Variants in KIN observed in about 807,000 individuals in gnomAD.
KIN encodes Kin17 DNA and RNA binding protein.
Under a neutral mutation model 63.0 loss-of-function variants are expected in KIN, and 47 were observed. The ratio of observed to expected loss-of-function variants is 0.75; its 90% CI spans 0.59 to 0.95. The LOEUF is 0.95. Ranked by LOEUF, KIN falls within the 40% of genes least tolerant of loss-of-function variation. KIN has a pLI of 0.00. For missense variants in KIN, 408 were observed against 460.9 expected, an observed-to-expected ratio of 0.89 and a Z score of 1.05; for synonymous variants, 160 against 157.7, an observed-to-expected ratio of 1.01 and a Z score of -0.11.
chr10:7,774,663 T>TAAA (rs879220759), intron 7 of KIN, among the ~76,000 whole-genome samples, 168 bp downstream of exon 7: 1 of 134,556 alleles, frequency 7.4e-6, no homozygotes, highest in Admixed American at 7.5e-5. Flanking sequence ...CCCCATCTCT[T>TAAA]AAAAAAAAAA....
At chr10:7,777,631 C>T (rs917637726) in intron 5 of KIN, among the ~76,000 whole-genome samples, 1 of 152,194 alleles carries the variant, frequency 6.6e-6, no homozygotes, top group African/African-American at 2.4e-5. Flanking sequence ...GGCGTGGTGG[C>T]TCACGCCTGT....
intron 8 of KIN, among the ~76,000 whole-genome samples, chr10:7,768,649 C>T (rs1429693082): frequency 1.3e-5 from 2 of 152,168 alleles, no homozygotes; most frequent in Non-Finnish European, 2.9e-5. Flanking sequence ...CCATGAAGGA[C>T]TCCAATTTCT....
chr10:7,780,352 A>T, intron 2 of KIN, 45 bp from the exon 3 acceptor site: 1 of 1,457,082 alleles, frequency 6.9e-7, no homozygotes, highest in Non-Finnish European at 9.4e-7. Flanking sequence ...TTCTACAAAC[A>T]TATAGCATCA....
In KIN at chr10:7,762,427, A is replaced by G. The variant is rs200927513; in HGVS notation, c.1018+30T>C. The G allele has an allele frequency of 1.1e-5, 14 of 1,223,576 alleles. No homozygotes were observed. The South Asian group carries it at 1.6e-4, about 14-fold the overall frequency. The allele number at this position is 1,223,576 out of a possible 1,614,324, so 75.8% of individuals were successfully genotyped here. On this transcript the variant is annotated intron_variant, in intron 11 of 12. Transcript: ENST00000379562. ...ATGGAACCGCTCATTTTGATGGCAT[A>G]TGTATTAAATGGTCTGCAAACAGAT...
In KIN at chr10:7,787,884, T is replaced by G. The variant is rs753753404; in HGVS notation, c.50A>C (p.Lys17Thr). ...LTPKAIANRI[K>T]SKGLQKLRWY... The stretch of plus-strand genomic sequence containing the variant: ...GCGTAGCTTCTGCAGCCCCTTGGAC[T>G]TGATCCTGTTGGCGATAGCCTTGGG... The change falls in exon 1 of 13, where the codon AAG (lysine) becomes ACG (threonine). Residue 17 changes from lysine (K) to threonine (T), a missense_variant. Transcript: ENST00000379562. 1 of 1,614,226 alleles carries G rather than the reference T, an allele frequency of 6.2e-7. No individual in the cohort carries two copies. Among genetic ancestry groups the G allele is most frequent in the South Asian group, 1.1e-5 (1 of 91,090 alleles).
chr10:7,777,863 C>T lies in KIN; in HGVS notation c.558+975G>A, dbSNP rs544555149. ...GCAGTCAGCTGAAATCGCGCCACTGCACTCCAGCCTGGGCGACAGAGTGAG... is the reference window on the plus strand; with the variant it reads ...GCAGTCAGCTGAAATCGCGCCACTGTACTCCAGCCTGGGCGACAGAGTGAG... On this transcript the variant is annotated intron_variant, in intron 5 of 12. Coordinates refer to ENST00000379562, the MANE Select transcript of KIN (RefSeq NM_012311.4). Among the ~76,000 whole-genome samples the T allele has an allele frequency of 3.3e-5, 5 of 150,600 alleles. No individual in the cohort carries two copies. The East Asian group carries it at 7.8e-4, about 24-fold the overall frequency.
At chr10:7,773,964 C>G (rs1453709476) in intron 7 of KIN, among the ~76,000 whole-genome samples, 1 of 152,214 alleles carries the variant, frequency 6.6e-6, no homozygotes, top group Non-Finnish European at 1.5e-5. Context: ...TACCTGACCA[C>G]ATGCTATGCC....
At chr10:7,763,402 A>G (rs1470686609) in intron 10 of KIN, among the ~76,000 whole-genome samples, 1 of 152,238 alleles carries the variant, frequency 6.6e-6, no homozygotes, top group Non-Finnish European at 1.5e-5. Flanking sequence ...TACTTTTAAT[A>G]TATGGCCTAT....
intron 7 of KIN, among the ~76,000 whole-genome samples, chr10:7,770,766 A>G (rs1835651036): frequency 6.6e-6 from 1 of 152,230 alleles, no homozygotes; most frequent in Non-Finnish European, 1.5e-5. Context: ...CTAACCAAGA[A>G]AAAAATATAT....
chr10:7,771,463 C>T (rs1358527009), intron 7 of KIN, among the ~76,000 whole-genome samples: 2 of 152,180 alleles, frequency 1.3e-5, no homozygotes, highest in African/African-American at 4.8e-5. Context: ...GACTCCTCTA[C>T]CAATCTCCAT....
chr10:7,770,795 C>A (rs1407599570), intron 7 of KIN, among the ~76,000 whole-genome samples: 1 of 152,120 alleles, frequency 6.6e-6, no homozygotes, highest in Non-Finnish European at 1.5e-5. Flanking sequence ...GAGAATACAA[C>A]AGATTTATTA....
chr10:7,783,297 C>A, intron 1 of KIN, 122 bp from the exon 2 acceptor site: 3 of 467,140 alleles, frequency 6.4e-6, no homozygotes, highest in Non-Finnish European at 1.1e-5. Context: ...ATAATCAAAT[C>A]ATTAGCTGTA....
intron 7 of KIN, among the ~76,000 whole-genome samples, chr10:7,772,268 A>G (rs1400163008): frequency 1.3e-5 from 2 of 152,232 alleles, no homozygotes; most frequent in Non-Finnish European, 2.9e-5. Flanking sequence ...TGCTGGCAAT[A>G]TCAAGATTCT....
At chr10:7,772,227 C>A (rs12257360) in intron 7 of KIN, among the ~76,000 whole-genome samples, 2 of 152,010 alleles carry the variant, frequency 1.3e-5, no homozygotes, top group African/African-American at 4.8e-5. Context: ...ATGAGTGACA[C>A]GGTAAGAGCT....
chr10:7,754,928 A>G lies in KIN; in HGVS notation c.*1152T>C, dbSNP rs11255338. On this transcript the variant is annotated 3_prime_UTR_variant, in exon 13 of 13. Coordinates refer to ENST00000379562, the MANE Select transcript of KIN (RefSeq NM_012311.4). ...TCCCTAATAATACACTGCCCTACTTATTTCAAACTGTATGGTTAGGCAGGG... is the reference window on the plus strand; with the variant it reads ...TCCCTAATAATACACTGCCCTACTTGTTTCAAACTGTATGGTTAGGCAGGG... The G allele has an allele frequency of 0.072, 10,935 of 152,010 alleles. 498 individuals carry two copies. Among genetic ancestry groups the G allele is most frequent in the Middle Eastern group, 0.1 (30 of 294 alleles). The allele number at this position is 152,010 out of a possible 1,614,324, so 9.4% of individuals were successfully genotyped here.
rs1564318679 is a variant in KIN, at chr10:7,769,297, C to T, written c.717G>A (p.Val239=). The T allele has an allele frequency of 3.1e-6, 5 of 1,613,748 alleles. No homozygotes were observed. The highest frequency in any genetic ancestry group is 2.2e-5 in the East Asian group (1 of 44,874). Residue 239 remains valine, a synonymous_variant, in exon 8 of 13, where the codon GTG becomes GTA. Coordinates refer to ENST00000379562, the MANE Select transcript of KIN (RefSeq NM_012311.4). ...ALKTIGSSAS[V]KRKESSQSST... The stretch of plus-strand genomic sequence containing the variant: ...AGCTCTGGGAAGATTCTTTTCGTTT[C>T]ACTGATGCTGAACTTCCTATCGTCT...
intron 8 of KIN, chr10:7,766,324 AAGTC>A: frequency 2.4e-6 from 1 of 410,548 alleles, no homozygotes; most frequent in South Asian, 4.1e-5. Context: ...ATAATAAAGC[AAGTC>A]AACTGACCTA....
intron 10 of KIN, 100 bp downstream of exon 10, chr10:7,763,623 C>T (rs1167630198): frequency 2.9e-6 from 2 of 688,306 alleles, no homozygotes; most frequent in Admixed American, 2.6e-5. Flanking sequence ...AAACATAGTA[C>T]TTCTGCTACT....
rs1235035788 is a variant in KIN at position 7,787,943 on chromosome 10, G to A, written c.-10C>T. 10 of 1,594,144 alleles carry A rather than the reference G, an allele frequency of 6.3e-6. No homozygotes were observed. The highest frequency in any genetic ancestry group is 7.7e-6 in the Non-Finnish European group (9 of 1,161,782). Reference sequence around the variant, plus strand: ...AATCCGACTTCCCCATGGCGACCACGGCAGCGATCACTTTCTGGACCCCAG... The same window carrying A: ...AATCCGACTTCCCCATGGCGACCACAGCAGCGATCACTTTCTGGACCCCAG... On this transcript the variant is annotated 5_prime_UTR_variant, in exon 1 of 13. Coordinates refer to ENST00000379562, the MANE Select transcript of KIN (RefSeq NM_012311.4).
Sources: allele counts gnomAD v4.1 joint callset (sites outside exome capture counted in the v4.1 genomes callset), GRCh38; gene constraint gnomAD v4.1.1; transcripts MANE v1.5; gene names NCBI Gene and HGNC (gene_info 2026-07-23, HGNC 2026-07-21).